THBS4: variants seen among roughly 807,000 people sequenced by gnomAD.
The protein encoded by THBS4 is thrombospondin 4, also known as thrombospondin-4.
THBS4 carries 90 observed loss-of-function variants against 115.7 expected under a neutral mutation model. The ratio of observed to expected loss-of-function variants is 0.78; its 90% CI spans 0.66 to 0.93. The LOEUF (loss-of-function observed/expected upper bound fraction) is 0.93. Among genes scored for constraint, THBS4 ranks in the 40% least tolerant of loss-of-function variants. The pLI is 0.00. For missense variants in THBS4, 1,087 were observed against 1,232.7 expected (o/e 0.88, Z 1.77); for synonymous variants, 460 against 479.3 (o/e 0.96, Z 0.53).
In THBS4 at chr5:80,040,290, T is replaced by A; in HGVS notation, c.292+10T>A. The A allele has an allele frequency of 6.2e-7, 1 of 1,600,540 alleles. No homozygotes were observed. Among genetic ancestry groups the A allele is most frequent in the East Asian group, 2.2e-5 (1 of 44,550 alleles). ...GGACGCTTAAACAAAGGTAAGCAAA[T>A]TTGCTGAAATTATTTTCTTAAAAAT... On this transcript the variant is annotated intron_variant, in intron 2 of 21. Transcript: ENST00000350881.
chr5:80,077,051 AAGC>A lies in THBS4; in HGVS notation c.2086+6_2086+8del, dbSNP rs1268444786. 1 of 1,596,228 alleles carries A rather than the reference AAGC, an allele frequency of 6.3e-7. No homozygotes were observed. The highest frequency in any genetic ancestry group is 2.3e-5 in the East Asian group (1 of 44,416). The stretch of plus-strand genomic sequence containing the variant: ...CCCAGCCCAGGAGGATAGCAACAGT[AAGC>A]AGGCTCAGCCCAGAGCTGCACAGCA... On this transcript the variant is annotated splice_donor_5th_base_variant and intron_variant, in intron 16 of 21. Coordinates refer to ENST00000350881, the MANE Select transcript of THBS4 (RefSeq NM_003248.6).
chr5:80,053,491 A>G (rs910078042), intron 2 of THBS4, among the ~76,000 whole-genome samples: 2 of 151,752 alleles, frequency 1.3e-5, no homozygotes, highest in Non-Finnish European at 2.9e-5. Context: ...AGAAGTGGCA[A>G]TGCTGGGCTG....
At chr5:80,080,116 C>T (rs1283673477) in intron 20 of THBS4, 39 bp downstream of exon 20, 1 of 1,590,798 alleles carries the variant, frequency 6.3e-7, no homozygotes, top group Non-Finnish European at 8.6e-7. Context: ...GCTCTAGAAG[C>T]AAAGCATTCT....
At chr5:80,006,643 C>A (rs1488830283) in intron 2 of THBS4, among the ~76,000 whole-genome samples, 1 of 152,176 alleles carries the variant, frequency 6.6e-6, no homozygotes, top group Non-Finnish European at 1.5e-5. Flanking sequence ...CCACACTGGA[C>A]CTCAACATCA....
chr5:80,021,710 G>A (rs897610552), intron 2 of THBS4, among the ~76,000 whole-genome samples: 1 of 152,000 alleles, frequency 6.6e-6, no homozygotes, highest in African/African-American at 2.4e-5. Context: ...TTGTAGAGAC[G>A]GGGTCTGTGT....
intron 2 of THBS4, among the ~76,000 whole-genome samples, chr5:80,045,732 T>C (rs886366610): frequency 9.9e-5 from 15 of 152,188 alleles, no homozygotes; most frequent in Admixed American, 9.8e-4. Context: ...GGTTTCTCCA[T>C]GTTGGTCAGG....
chr5:80,001,374 C>A (rs931614813), intron 2 of THBS4, among the ~76,000 whole-genome samples: 2 of 152,160 alleles, frequency 1.3e-5, no homozygotes, highest in Admixed American at 1.3e-4. Context: ...GCAGATATAA[C>A]CCTTTCAATC....
At chr5:80,056,142 C>G in intron 3 of THBS4, 110 bp downstream of exon 3, 1 of 1,302,438 alleles carries the variant, frequency 7.7e-7, no homozygotes, top group Non-Finnish European at 1.0e-6. Flanking sequence ...GGTCTAATGC[C>G]GCTTGCACAT....
rs1331751817 is a variant in THBS4 at position 80,058,259 on chromosome 5, C to T, written c.594C>T (p.Ala198=). The T allele has an allele frequency of 1.3e-6, 2 of 1,578,814 alleles. No homozygotes were observed. Among genetic ancestry groups the T allele is most frequent in the Non-Finnish European group, 8.6e-7 (1 of 1,161,068 alleles). Residue 198 remains alanine (A), a synonymous_variant, in exon 4 of 22, where the codon GCC becomes GCT. Coordinates refer to ENST00000350881, the MANE Select transcript of THBS4 (RefSeq NM_003248.6). The part of the protein sequence containing the change: ...LVVRGSLFQV[A]SLQDCFLQQS... The stretch of plus-strand genomic sequence containing the variant: ...TGAGAGGCTCACTGTTCCAGGTGGC[C>T]AGCCTGCAAGACTGCTTCCTGCAGC...
intron 2 of THBS4, among the ~76,000 whole-genome samples, chr5:80,029,047 A>G (rs924370255): frequency 6.6e-6 from 1 of 152,220 alleles, no homozygotes; most frequent in African/African-American, 2.4e-5. Flanking sequence ...CCCCCAGGAA[A>G]TGAAGTAATA....
At chr5:80,080,930 C>A (rs1051477732) in intron 20 of THBS4, among the ~76,000 whole-genome samples, 2 of 152,088 alleles carry the variant, frequency 1.3e-5, no homozygotes. Flanking sequence ...TAGCACAAAG[C>A]CTGACATCTA....
chr5:80,049,534 G>C (rs1211645244), intron 2 of THBS4, among the ~76,000 whole-genome samples: 1 of 152,140 alleles, frequency 6.6e-6, no homozygotes, highest in Non-Finnish European at 1.5e-5. Flanking sequence ...AGAGGGAAAG[G>C]ATTTATATAA....
chr5:80,037,891 A>C (rs1832767803), intron 1 of THBS4, among the ~76,000 whole-genome samples: 1 of 152,222 alleles, frequency 6.6e-6, no homozygotes, highest in Admixed American at 6.5e-5. Flanking sequence ...AGTAGGCAAC[A>C]GTGTTTATGG....
chr5:80,016,051 G>A (rs894799788), intron 2 of THBS4, among the ~76,000 whole-genome samples: 2 of 152,050 alleles, frequency 1.3e-5, no homozygotes, highest in African/African-American at 4.8e-5. Context: ...CTGTCTTTGG[G>A]GCCAGGAAGA....
intron 2 of THBS4, among the ~76,000 whole-genome samples, chr5:80,018,769 T>C (rs1227828918): frequency 6.6e-6 from 1 of 152,232 alleles, no homozygotes; most frequent in African/African-American, 2.4e-5. Context: ...TCTTAAAGCA[T>C]ATTAAGTATA....
chr5:80,033,591 T>C (rs73770692), upstream of THBS4, among the ~76,000 whole-genome samples: 26 of 152,316 alleles, frequency 1.7e-4, no homozygotes, highest in African/African-American at 5.3e-4. Context: ...TACCTTCTTA[T>C]TGCTCTCTAG....
intron 2 of THBS4, among the ~76,000 whole-genome samples, chr5:80,000,655 GT>G (rs1352773082): frequency 1.3e-5 from 2 of 152,172 alleles, no homozygotes; most frequent in Non-Finnish European, 2.9e-5. Context: ...GGATAATTAA[GT>G]GACCTTCAAC....
exon 1 of THBS4, chr5:79,991,385 A>G: frequency 1.4e-6 from 1 of 719,826 alleles, no homozygotes; most frequent in Non-Finnish European, 2.2e-6. Flanking sequence ...GATTAAGAAG[A>G]ACTCTTAGGA....
intron 2 of THBS4, among the ~76,000 whole-genome samples, chr5:80,043,431 A>G (rs1832966565): frequency 6.6e-6 from 1 of 152,190 alleles, no homozygotes; most frequent in South Asian, 2.1e-4. Flanking sequence ...CTACCTGGAC[A>G]TGGTAGGCTC....
Sources: allele counts gnomAD v4.1 joint callset (sites outside exome capture counted in the v4.1 genomes callset), GRCh38; gene constraint gnomAD v4.1.1; transcripts MANE v1.5; gene names NCBI Gene and HGNC (gene_info 2026-07-23, HGNC 2026-07-21).